SGCD: variants seen among roughly 807,000 people sequenced by gnomAD.
SGCD encodes delta-sarcoglycan.
SGCD carries 18 observed loss-of-function variants against 36.6 expected under a neutral mutation model. The observed-to-expected ratio is 0.49, with a 90% CI of 0.34 to 0.73. The LOEUF (loss-of-function observed/expected upper bound fraction) is 0.73, where lower values mean the gene tolerates loss of function less well. Among genes scored for constraint, SGCD ranks in the 30% least tolerant of loss-of-function variants. The pLI, the probability that SGCD is intolerant of heterozygous loss-of-function variation, is 0.01. For synonymous variants in SGCD, 133 were observed against 130.6 expected, an observed-to-expected ratio of 1.02 and a Z score of -0.12; for missense variants, 387 against 346.7, an observed-to-expected ratio of 1.12 and a Z score of -0.92.
At chr5:156,383,373 T>A (rs1254962130) in intron 3 of SGCD, among the ~76,000 whole-genome samples, 1 of 151,978 alleles carries the variant, frequency 6.6e-6, no homozygotes, top group Admixed American at 6.6e-5. Flanking sequence ...GCGTGCAGCA[T>A]GTGCATGTTA....
intron 1 of SGCD, among the ~76,000 whole-genome samples, chr5:156,072,548 C>G (rs1581079463): frequency 6.6e-6 from 1 of 151,928 alleles, no homozygotes; most frequent in Non-Finnish European, 1.5e-5. Flanking sequence ...ACCTTTCTCT[C>G]TGGCTGCCCT....
At chr5:156,224,026 CA>C (rs1208278320) in intron 3 of SGCD, among the ~76,000 whole-genome samples, 2 of 151,770 alleles carry the variant, frequency 1.3e-5, no homozygotes, top group Non-Finnish European at 2.9e-5. Context: ...AAAGAAGTTA[CA>C]AATTCGTGTT....
chr5:156,093,629 A>G (rs527998622), intron 1 of SGCD, among the ~76,000 whole-genome samples: 36 of 152,228 alleles, frequency 2.4e-4, no homozygotes, highest in African/African-American at 7.2e-4. Context: ...CCCCAGTTTG[A>G]TTGGGATCCC....
chr5:156,482,544 G>T (rs568412924), intron 3 of SGCD, among the ~76,000 whole-genome samples: 2 of 152,186 alleles, frequency 1.3e-5, no homozygotes, highest in South Asian at 4.1e-4. Context: ...GACAGTAATG[G>T]TTGCTAACTA....
chr5:156,724,579 C>A (rs1409375600), intron 7 of SGCD, among the ~76,000 whole-genome samples: 1 of 151,876 alleles, frequency 6.6e-6, no homozygotes, highest in African/African-American at 2.4e-5. Flanking sequence ...TGCACTCCAG[C>A]CTGGGTGACA....
intron 1 of SGCD, among the ~76,000 whole-genome samples, chr5:155,896,154 C>G (rs1042226789): frequency 6.6e-6 from 1 of 152,110 alleles, no homozygotes; most frequent in Non-Finnish European, 1.5e-5. Context: ...TCTTGATTTT[C>G]AGTTTGGGTA....
chr5:156,388,345 G>A (rs1178936206), intron 3 of SGCD, among the ~76,000 whole-genome samples: 1 of 152,036 alleles, frequency 6.6e-6, no homozygotes, highest in Non-Finnish European at 1.5e-5. Flanking sequence ...GACAATAGAT[G>A]GATTAAACAC....
At chr5:156,634,453 A>AAAC in intron 6 of SGCD, among the ~76,000 whole-genome samples, 1 of 151,738 alleles carries the variant, frequency 6.6e-6, no homozygotes, top group Middle Eastern at 3.4e-3. Flanking sequence ...AAACAAAGGA[A>AAAC]AACAGCAACA....
chr5:156,463,677 C>T (rs1754595928), intron 3 of SGCD, among the ~76,000 whole-genome samples: 1 of 152,156 alleles, frequency 6.6e-6, no homozygotes, highest in African/African-American at 2.4e-5. Flanking sequence ...TCACTTACTT[C>T]ACTCCAGATG....
intron 3 of SGCD, among the ~76,000 whole-genome samples, chr5:156,187,025 C>G (rs1046246583): frequency 6.6e-6 from 1 of 151,910 alleles, no homozygotes; most frequent in Non-Finnish European, 1.5e-5. Flanking sequence ...CCTCTAGAAG[C>G]AATGAACATA....
Position 156,765,927 on chromosome 5 carries a change from C to CTAAAG in SGCD, c.*6540_*6544dup, listed in dbSNP as rs1292548905. ...GTCTCTCACAGTGACAGCATCTATA[C>CTAAAG]TAAAGTATAGATACCTAAGGGGAAA... is the stretch of plus-strand genomic sequence containing the variant. On this transcript the variant is annotated 3_prime_UTR_variant, in exon 9 of 9. Coordinates refer to ENST00000337851, the MANE Select transcript of SGCD (RefSeq NM_000337.6). 1 of 151,124 alleles carries CTAAAG rather than the reference C, an allele frequency of 6.6e-6. No homozygotes were observed. Among genetic ancestry groups the CTAAAG allele is most frequent in the Non-Finnish European group, 1.5e-5 (1 of 67,944 alleles). 9.4% of individuals were successfully genotyped at this position (151,124 alleles called of 1,614,324 possible). A position where few individuals can be genotyped will look rare whatever the true frequency, so the allele number is the denominator to read the frequency against.
intron 3 of SGCD, among the ~76,000 whole-genome samples, chr5:156,154,870 T>C (rs1180196885): frequency 1.3e-5 from 2 of 151,632 alleles, no homozygotes; most frequent in East Asian, 1.9e-4. Context: ...ATCACTGCCC[T>C]GCAACATGCT....
At chr5:155,778,434 A>G in the SGCD span, among the ~76,000 whole-genome samples, 3 of 152,242 alleles carry the variant, frequency 2.0e-5, no homozygotes, top group African/African-American at 7.2e-5. Context: ...GGAAGAGAAG[A>G]GAATAAAACC....
At chr5:155,907,530 G>T (rs776080491) in intron 1 of SGCD, among the ~76,000 whole-genome samples, 4 of 152,160 alleles carry the variant, frequency 2.6e-5, no homozygotes, top group African/African-American at 9.7e-5. Context: ...GAGTTTGGAA[G>T]AAGTTGATTC....
chr5:156,393,556 A>G (rs1771693659), intron 3 of SGCD, among the ~76,000 whole-genome samples: 1 of 152,264 alleles, frequency 6.6e-6, no homozygotes, highest in African/African-American at 2.4e-5. Flanking sequence ...GACGCACCAC[A>G]TGATAGCGTG....
At chr5:156,454,064 C>T (rs976690531) in intron 3 of SGCD, among the ~76,000 whole-genome samples, 5 of 152,142 alleles carry the variant, frequency 3.3e-5, no homozygotes, top group African/African-American at 1.2e-4. Flanking sequence ...ACTGTCAAAA[C>T]TCATTGCATT....
At chr5:156,564,293 C>A (rs1026610481) in intron 4 of SGCD, among the ~76,000 whole-genome samples, 4 of 151,822 alleles carry the variant, frequency 2.6e-5, no homozygotes, top group African/African-American at 9.7e-5. Context: ...ACTAAAAATA[C>A]AAAAAAATTA....
chr5:156,090,208 T>C (rs1051486186), intron 1 of SGCD, among the ~76,000 whole-genome samples: 1 of 152,194 alleles, frequency 6.6e-6, no homozygotes, highest in Admixed American at 6.5e-5. Flanking sequence ...ATGTCCTTAT[T>C]TCCTGATGTT....
chr5:156,383,321 T>C lies in SGCD; in HGVS notation c.192+38644T>C, dbSNP rs573669858. ...GAGATCGAGACCAGCCTGGCCAACA[T>C]GGTGAAACCCTGTCTCTACTAAAAA... On this transcript the variant is annotated intron_variant, in intron 3 of 8. Coordinates refer to ENST00000337851, the MANE Select transcript of SGCD (RefSeq NM_000337.6). 5.3e-5 allele frequency among the ~76,000 whole-genome samples: 8 copies of C among 152,184 alleles called. No homozygotes were observed. The East Asian group carries it at 1.6e-3, about 30-fold the overall frequency.
Sources: allele counts gnomAD v4.1 joint callset (sites outside exome capture counted in the v4.1 genomes callset), GRCh38; gene constraint gnomAD v4.1.1; transcripts MANE v1.5; gene names NCBI Gene and HGNC (gene_info 2026-07-23, HGNC 2026-07-21).